The following TRAFD1 variants were observed in gnomAD, a reference collection of about 807,000 sequenced individuals.
TRAFD1 encodes the protein TRAF-type zinc finger domain-containing protein 1.
In TRAFD1, 38 loss-of-function variants were observed where a neutral mutation model predicts 65.3. The observed-to-expected ratio is 0.58, with a 90% CI of 0.45 to 0.76. The LOEUF (loss-of-function observed/expected upper bound fraction) is 0.76. Ranked by LOEUF, TRAFD1 falls within the 30% of genes least tolerant of loss-of-function variation. The pLI is 0.00. For missense variants in TRAFD1, 631 were observed against 712.6 expected, an observed-to-expected ratio of 0.89 and a Z score of 1.30; for synonymous variants, 223 against 257.2, an observed-to-expected ratio of 0.87 and a Z score of 1.27.
At chr12:112,143,075 G>A (rs549799779) in intron 6 of TRAFD1, among the ~76,000 whole-genome samples, 6 of 149,440 alleles carry the variant, frequency 4.0e-5, no homozygotes, top group African/African-American at 9.9e-5. Flanking sequence ...GTGCCATCAC[G>A]CCTGGCTAAT....
chr12:112,135,216 T>A, intron 4 of TRAFD1, 150 bp downstream of exon 4: 1 of 879,272 alleles, frequency 1.1e-6, no homozygotes, highest in Non-Finnish European at 1.8e-6. Flanking sequence ...CTTGACTATG[T>A]AACTGCTGCC....
chr12:112,131,639 CT>C (rs1454444266), intron 2 of TRAFD1, among the ~76,000 whole-genome samples: 1 of 152,126 alleles, frequency 6.6e-6, no homozygotes, highest in African/African-American at 2.4e-5. Context: ...CTAGCCCTTC[CT>C]TGAGACTTTT....
rs547077120 is a variant in TRAFD1 at position 112,146,987 on chromosome 12, GTTTTTTTTTTT to G, written c.928-1067_928-1057del. ...GGATTACCTGATGGAGGGAACTTCT[GTTTTTTTTTTT>G]TTTTTTTTTTTTTTTTTTTGAGATG... is the stretch of plus-strand genomic sequence containing the variant. On this transcript the variant is annotated intron_variant, in intron 7 of 11. Coordinates refer to ENST00000412615, the MANE Select transcript of TRAFD1 (RefSeq NM_006700.3). Among the ~76,000 whole-genome samples the G allele has an allele frequency of 3.4e-4, 18 of 52,524 alleles. No homozygotes were observed. The East Asian group carries it at 4.2e-3, about 12-fold the overall frequency. 34.5% of individuals were successfully genotyped at this position (52,524 alleles called of 152,430 possible). A position where few individuals can be genotyped will look rare whatever the true frequency, so the allele number is the denominator to read the frequency against.
rs930872343 is a variant in TRAFD1, at chr12:112,148,186, G to C, written c.1040G>C (p.Ser347Thr). The stretch of plus-strand genomic sequence containing the variant: ...CAGAACTTCTTGCAACAGGCTGCAA[G>C]TAACCAGTTAGACTCTTTGATGGGC... Reference protein sequence around the residue: ...IFQNFLQQAASNQLDSLMGLS... With the variant: ...IFQNFLQQAATNQLDSLMGLS... The change falls in exon 8 of 12, where the codon AGT becomes ACT. Residue 347 changes from serine to threonine, a missense_variant. By Grantham distance (58) the Ser-to-Thr change is moderately conservative. Transcript: ENST00000412615. The C allele has an allele frequency of 5.6e-6, 9 of 1,614,074 alleles. No homozygotes were observed. Among genetic ancestry groups the C allele is most frequent in the African/African-American group, 2.7e-5 (2 of 74,924 alleles).
At chr12:112,133,196 G>C (rs2079574622) in intron 2 of TRAFD1, 1 of 152,176 alleles carries the variant, frequency 6.6e-6, no homozygotes, top group African/African-American at 2.4e-5. Flanking sequence ...ATGAAGTGGA[G>C]AGACCAGACT....
intron 2 of TRAFD1, among the ~76,000 whole-genome samples, chr12:112,134,073 C>T (rs2079581053): frequency 7.5e-6 from 1 of 133,648 alleles, no homozygotes; most frequent in African/African-American, 2.9e-5. Flanking sequence ...TGCAATGGCA[C>T]GATCTAGGCT....
chr12:112,129,102 C>T (rs373104222), intron 1 of TRAFD1, among the ~76,000 whole-genome samples: 7 of 150,920 alleles, frequency 4.6e-5, no homozygotes, highest in African/African-American at 1.5e-4. Context: ...GAAGAACTCT[C>T]CCAAATCAAA....
chr12:112,152,313 T>A lies in TRAFD1; in HGVS notation c.1620-114T>A. On this transcript the variant is annotated intron_variant, in intron 10 of 11. Coordinates refer to ENST00000412615, the MANE Select transcript of TRAFD1 (RefSeq NM_006700.3). The surrounding 1 kb of genome is among the most constrained non-coding windows in gnomAD (Gnocchi z 5.0). ...ACTCCAAAAAAATTATTTTGTGGCC[T>A]ATGGGTTTTTTGGGGTTTGTCTGCT... The A allele has an allele frequency of 6.8e-7, 1 of 1,476,932 alleles. No individual in the cohort carries two copies. The highest frequency in any genetic ancestry group is 1.2e-5 in the South Asian group (1 of 83,002). 91.5% of individuals were successfully genotyped at this position (1,476,932 alleles called of 1,614,324 possible).
chr12:112,128,066 G>C (rs1455616623), intron 1 of TRAFD1, among the ~76,000 whole-genome samples: 12 of 151,858 alleles, frequency 7.9e-5, no homozygotes, highest in Admixed American at 2.6e-4. Flanking sequence ...CTGTTGCCCA[G>C]GCTGGGGTGC....
At chr12:112,149,949 C>T in intron 9 of TRAFD1, 78 bp downstream of exon 9, 1 of 1,574,032 alleles carries the variant, frequency 6.4e-7, no homozygotes, top group African/African-American at 1.3e-5. Context: ...CCATCCACTG[C>T]TCTAATGTGG....
chr12:112,133,567 C>T (rs527970232), intron 2 of TRAFD1, among the ~76,000 whole-genome samples: 2 of 152,272 alleles, frequency 1.3e-5, no homozygotes, highest in South Asian at 2.1e-4. Context: ...TTGGAATAGC[C>T]TAGCTCCACT....
chr12:112,138,901 G>C (rs1593867048), intron 4 of TRAFD1, among the ~76,000 whole-genome samples: 1 of 151,196 alleles, frequency 6.6e-6, no homozygotes, highest in Admixed American at 6.6e-5. Flanking sequence ...TATTCTAAAT[G>C]CTACTCCAAC....
intron 4 of TRAFD1, among the ~76,000 whole-genome samples, chr12:112,139,308 C>A (rs1380050588): frequency 6.6e-6 from 1 of 151,980 alleles, no homozygotes; most frequent in Non-Finnish European, 1.5e-5. Flanking sequence ...CATGATCGTA[C>A]CACTGCACTC....
At chr12:112,147,203 T>TGGCTAG (rs1448073516) in intron 7 of TRAFD1, among the ~76,000 whole-genome samples, 1 of 152,054 alleles carries the variant, frequency 6.6e-6, no homozygotes, top group African/African-American at 2.4e-5. Context: ...TTCACCATGT[T>TGGCTAG]GGCTAGGCTG....
At chr12:112,132,603 G>A (rs1342444509) in intron 2 of TRAFD1, among the ~76,000 whole-genome samples, 1 of 152,140 alleles carries the variant, frequency 6.6e-6, no homozygotes, top group Non-Finnish European at 1.5e-5. Flanking sequence ...TCTCACAGTT[G>A]ATTGTTCTGT....
In TRAFD1 at chr12:112,153,551, TATA is replaced by T. The variant is rs1277286686; in HGVS notation, c.*766_*768del. On this transcript the variant is annotated 3_prime_UTR_variant, in exon 12 of 12. Transcript: ENST00000412615. ...CTTCCCCTTGTTTTTATTTTACTGT[TATA>T]ATAATTATTAACTTCCTTGTAATAG... 1 of 152,244 alleles carries T rather than the reference TATA, an allele frequency of 6.6e-6. No homozygotes were observed. The highest frequency in any genetic ancestry group is 1.5e-5 in the Non-Finnish European group (1 of 68,062). The allele number at this position is 152,244 out of a possible 1,614,324, so 9.4% of individuals were successfully genotyped here. A position where few individuals can be genotyped will look rare whatever the true frequency, so the allele number is the denominator to read the frequency against.
At chr12:112,147,672 A>ATTT (rs113564230) in intron 7 of TRAFD1, among the ~76,000 whole-genome samples, 1 of 142,712 alleles carries the variant, frequency 7.0e-6, no homozygotes, top group African/African-American at 2.6e-5. Context: ...ATTTAAAAAA[A>ATTT]TTTTTTTTTT....
intron 4 of TRAFD1, among the ~76,000 whole-genome samples, chr12:112,139,867 GGCAC>G (rs2030033814): frequency 6.6e-6 from 1 of 152,086 alleles, no homozygotes; most frequent in Admixed American, 6.6e-5. Context: ...TGGGTGTGGT[GGCAC>G]GCACCTGTGG....
Position 112,140,987 on chromosome 12 carries a change from G to T in TRAFD1, c.406G>T (p.Gly136Trp), listed in dbSNP as rs759846308. 6.2e-7 allele frequency: 1 copy of T among 1,614,162 alleles called. No individual in the cohort carries two copies. Among genetic ancestry groups the T allele is most frequent in the South Asian group, 1.1e-5 (1 of 91,086 alleles). Residue 136 changes from glycine (G) to tryptophan (W), a missense_variant, in exon 5 of 12, where the codon GGG becomes TGG. Physicochemically the swap from Gly to Trp is radical, Grantham distance 184. Transcript: ENST00000412615. The stretch of plus-strand genomic sequence containing the variant: ...TCTGAAGACTCACCCTGAAGTTTGT[G>T]GGAGAGAGGGGGAGGAAAAGAGAAA... Reference protein sequence around the residue: ...KDLKTHPEVCGREGEEKRNEV... With the variant: ...KDLKTHPEVCWREGEEKRNEV...
Sources: gnomAD v4.1 joint callset for allele counts (sites outside exome capture counted in the v4.1 genomes callset) on GRCh38, gnomAD v4.1.1 for gene constraint, Gnocchi (gnomAD v3.1) non-coding constraint, MANE v1.5 for transcripts, NCBI Gene and HGNC (gene_info 2026-07-23, HGNC 2026-07-21) for gene names.